The following ZBTB8A variants were observed in gnomAD, a reference collection of about 807,000 sequenced individuals.
ZBTB8A encodes zinc finger and BTB domain containing 8A.
ZBTB8A carries 19 observed loss-of-function variants against 37.8 expected under a neutral mutation model. The ratio of observed to expected loss-of-function variants is 0.50; its 90% CI spans 0.35 to 0.74. The LOEUF is 0.74. ZBTB8A is among the 30% of genes least tolerant of loss of function. The pLI, the probability that ZBTB8A is intolerant of heterozygous loss-of-function variation, is 0.01. For missense variants in ZBTB8A, 394 were observed against 537.8 expected (o/e 0.73, Z 2.65); for synonymous variants, 181 against 185.2 (o/e 0.98, Z 0.19).
intron 1 of ZBTB8A, among the ~76,000 whole-genome samples, chr1:32,550,130 G>A (rs1402154167): frequency 6.6e-6 from 1 of 152,074 alleles, no homozygotes; most frequent in Non-Finnish European, 1.5e-5. Context: ...GGCCGAGGTG[G>A]GCGGATCTCT....
chr1:32,543,236 A>G (rs2148209839), intron 1 of ZBTB8A, among the ~76,000 whole-genome samples: 1 of 152,204 alleles, frequency 6.6e-6, no homozygotes, highest in African/African-American at 2.4e-5. Flanking sequence ...GGCACCTGCC[A>G]CCATGCCCGG....
At chr1:32,594,533 C>T (rs1056967606) in intron 3 of ZBTB8A, among the ~76,000 whole-genome samples, 5 of 151,826 alleles carry the variant, frequency 3.3e-5, no homozygotes, top group South Asian at 2.1e-4. Context: ...GAGGCTGAGG[C>T]GGGCAGATCA....
chr1:32,540,831 A>G (rs1008640089), intron 1 of ZBTB8A, among the ~76,000 whole-genome samples: 1 of 152,104 alleles, frequency 6.6e-6, no homozygotes, highest in Non-Finnish European at 1.5e-5. Context: ...CTGGCCACAC[A>G]AGTGGCAACT....
At chr1:32,567,791 C>CAAAAAAAA (rs1214976482) in intron 2 of ZBTB8A, among the ~76,000 whole-genome samples, 5 of 6,432 alleles carry the variant, frequency 7.8e-4, no homozygotes, top group Non-Finnish European at 1.1e-3. Context: ...GATTCTGTCT[C>CAAAAAAAA]AAAAAAAAAA....
At chr1:32,563,736 G>T (rs922131464) in intron 2 of ZBTB8A, among the ~76,000 whole-genome samples, 1 of 152,080 alleles carries the variant, frequency 6.6e-6, no homozygotes, top group Non-Finnish European at 1.5e-5. Context: ...GCCTCCCAAA[G>T]TTCTGGGATC....
chr1:32,550,414 C>T (rs1004068537), intron 1 of ZBTB8A, among the ~76,000 whole-genome samples: 13 of 151,870 alleles, frequency 8.6e-5, no homozygotes, highest in Admixed American at 2.6e-4. Context: ...TCCAGGAGTT[C>T]GAGACCACCC....
chr1:32,599,066 A>G (rs982022982), intron 4 of ZBTB8A, among the ~76,000 whole-genome samples: 1 of 152,154 alleles, frequency 6.6e-6, no homozygotes, highest in Non-Finnish European at 1.5e-5. Flanking sequence ...TTTCCACCAG[A>G]TCTTTTATTA....
At chr1:32,562,442 T>C (rs755562288) in intron 2 of ZBTB8A, among the ~76,000 whole-genome samples, 1 of 151,854 alleles carries the variant, frequency 6.6e-6, no homozygotes, top group Non-Finnish European at 1.5e-5. Context: ...TGGCTAATTT[T>C]GTATTTTTAG....
intron 2 of ZBTB8A, among the ~76,000 whole-genome samples, chr1:32,558,841 A>G (rs1644222887): frequency 6.6e-6 from 1 of 152,322 alleles, no homozygotes; most frequent in East Asian, 1.9e-4. Flanking sequence ...TGATGATAAG[A>G]ATTATAACAG....
chr1:32,567,818 AAAAAAC>A (rs1413401954), intron 2 of ZBTB8A, among the ~76,000 whole-genome samples: 4 of 23,086 alleles, frequency 1.7e-4, no homozygotes, highest in South Asian at 1.8e-3. Flanking sequence ...AAAAAAAAAA[AAAAAAC>A]AAAAACAAAA....
At chr1:32,594,950 T>C in intron 3 of ZBTB8A, 104 bp from the exon 4 acceptor site, 2 of 1,154,698 alleles carry the variant, frequency 1.7e-6, no homozygotes, top group Non-Finnish European at 2.3e-6. Context: ...TTTTTTAAGT[T>C]TATTTTTTTC....
At chr1:32,543,285 A>C (rs1429839884) in intron 1 of ZBTB8A, among the ~76,000 whole-genome samples, 1 of 151,666 alleles carries the variant, frequency 6.6e-6, no homozygotes, top group African/African-American at 2.4e-5. Flanking sequence ...GGGTTTCACC[A>C]TGTTGGTCAG....
chr1:32,575,861 AC>A lies in ZBTB8A; in HGVS notation c.-1-17069del, dbSNP rs535183942. 1.6e-3 allele frequency among the ~76,000 whole-genome samples: 236 copies of A among 152,176 alleles called. 1 individual carries two copies. The highest frequency in any genetic ancestry group is 5.5e-3 in the African/African-American group (230 of 41,510). On this transcript the variant is annotated intron_variant, in intron 2 of 4. Transcript: ENST00000373510. Reference sequence around the variant, plus strand: ...AACCCAGACCCTATCCCTGAAACAAACAAACGAAAAGAATATTGAGTACTTT... The same window carrying A: ...AACCCAGACCCTATCCCTGAAACAAAAAACGAAAAGAATATTGAGTACTTT...
At chr1:32,587,677 GT>G (rs1415642943) in intron 2 of ZBTB8A, among the ~76,000 whole-genome samples, 1 of 151,934 alleles carries the variant, frequency 6.6e-6, no homozygotes, top group African/African-American at 2.4e-5. Context: ...TATGTGTTTG[GT>G]CCTCATCCCT....
chr1:32,593,010 A>C lies in ZBTB8A; in HGVS notation c.79A>C (p.Ser27Arg). ...QRRQDVFCDC[S>R]ILVEGKVFKA... The stretch of plus-strand genomic sequence containing the variant: ...CAGGCAAGATGTATTTTGTGACTGC[A>C]GTATTCTAGTTGAAGGGAAGGTCTT... The change falls in exon 3 of 5, where the codon AGT becomes CGT. Residue 27 changes from serine (S) to arginine (R), a missense_variant. Ser to Arg is a moderately radical substitution (Grantham distance 110). Around this residue, in one of 4 missense-constraint regions of ZBTB8A, gnomAD observed 96 missense variants for 165.6 expected, o/e 0.58. Transcript: ENST00000373510. 1 of 1,614,240 alleles carries C rather than the reference A, an allele frequency of 6.2e-7. No individual in the cohort carries two copies. Among genetic ancestry groups the C allele is most frequent in the Non-Finnish European group, 8.5e-7 (1 of 1,180,048 alleles).
At chr1:32,551,304 C>T (rs1187521965) in intron 1 of ZBTB8A, among the ~76,000 whole-genome samples, 1 of 152,014 alleles carries the variant, frequency 6.6e-6, no homozygotes, top group Non-Finnish European at 1.5e-5. Context: ...AACCTCTAGT[C>T]TCAGCTACTC....
At chr1:32,558,438 A>AACACACACAC (rs35047367) in intron 2 of ZBTB8A, among the ~76,000 whole-genome samples, 17 of 145,768 alleles carry the variant, frequency 1.2e-4, no homozygotes, top group Middle Eastern at 3.5e-3. Context: ...CTAAGTATTA[A>AACACACACAC]ACACACACAC....
At chr1:32,562,617 C>T (rs904630097) in intron 2 of ZBTB8A, among the ~76,000 whole-genome samples, 27 of 145,566 alleles carry the variant, frequency 1.9e-4, no homozygotes, top group Non-Finnish European at 6.0e-5. Context: ...CGCTCTGTCA[C>T]CCAGGCTGGA....
intron 2 of ZBTB8A, among the ~76,000 whole-genome samples, chr1:32,566,027 C>T (rs1644275925): frequency 6.6e-6 from 1 of 151,944 alleles, no homozygotes; most frequent in Non-Finnish European, 1.5e-5. Context: ...TGGTGAAACC[C>T]AGTCTCTACT....
Sources: gnomAD v4.1 joint callset for allele counts (sites outside exome capture counted in the v4.1 genomes callset) on GRCh38, gnomAD v4.1.1 for gene constraint, gnomAD v4.1.1 regional missense constraint, MANE v1.5 for transcripts, NCBI Gene and HGNC (gene_info 2026-07-23, HGNC 2026-07-21) for gene names.